EMCN: variants seen among roughly 807,000 people sequenced by gnomAD.
EMCN encodes the protein endomucin, also known as MUC-14.
EMCN carries 37 observed loss-of-function variants against 38.4 expected under a neutral mutation model. The observed-to-expected ratio is 0.96, with a 90% CI of 0.74 to 1.27. The LOEUF (loss-of-function observed/expected upper bound fraction) is 1.27, where lower values mean the gene tolerates loss of function less well. Ranked by LOEUF, EMCN falls within the 50% of genes most tolerant of loss-of-function variation. EMCN has a pLI of 0.00. For synonymous variants in EMCN, 95 were observed against 100.8 expected, an observed-to-expected ratio of 0.94 and a Z score of 0.35; for missense variants, 318 against 302.8, an observed-to-expected ratio of 1.05 and a Z score of -0.37.
chr4:100,464,041 C>A (rs919492146), intron 4 of EMCN, among the ~76,000 whole-genome samples: 4 of 151,902 alleles, frequency 2.6e-5, no homozygotes, highest in African/African-American at 9.7e-5. Flanking sequence ...GGTTTCTAAT[C>A]TATAAACATG....
rs1251603171 is a variant in EMCN, at chr4:100,423,351, T to C, written c.469A>G (p.Ile157Val). 6.2e-7 allele frequency: 1 copy of C among 1,613,152 alleles called. No individual in the cohort carries two copies. The highest frequency in any genetic ancestry group is 1.1e-5 in the South Asian group (1 of 91,052). ...SPSKTGTLTSIPVTIPENTSQ... is the reference protein window; with the variant it reads ...SPSKTGTLTSVPVTIPENTSQ... ...GTGTTTTCTGGAATTGTAACTGGTA[T>C]TGAGGTTAATGTACCAGTTTTAGAA... The change falls in exon 6 of 12, where the codon ATA becomes GTA. Residue 157 changes from isoleucine to valine, a missense_variant. By Grantham distance (29) the Ile-to-Val change is conservative. Coordinates refer to ENST00000296420, the MANE Select transcript of EMCN (RefSeq NM_016242.4).
chr4:100,507,121 G>A (rs993438676), intron 1 of EMCN, among the ~76,000 whole-genome samples: 4 of 152,072 alleles, frequency 2.6e-5, no homozygotes, highest in African/African-American at 9.7e-5. Context: ...AATTTCTTGA[G>A]TACCCTATAG....
intron 4 of EMCN, among the ~76,000 whole-genome samples, chr4:100,459,279 G>A (rs1217861005): frequency 8.2e-6 from 1 of 121,466 alleles, no homozygotes; most frequent in Non-Finnish European, 1.7e-5. Context: ...TTCAGTATAT[G>A]ACAATATTTT....
chr4:100,440,042 C>A (rs1286478014), intron 5 of EMCN, among the ~76,000 whole-genome samples: 1 of 143,648 alleles, frequency 7.0e-6, no homozygotes, highest in African/African-American at 2.4e-5. Flanking sequence ...TGTGGCTTAT[C>A]ATATGGCCTA....
At position 100,450,829 on chromosome 4, in the gene EMCN, A is replaced by C. The variant is rs375905009; in HGVS notation, c.377-3258T>G. 8.5e-5 allele frequency among the ~76,000 whole-genome samples: 13 copies of C among 152,064 alleles called. No individual in the cohort carries two copies. The South Asian group carries it at 2.5e-3, about 29-fold the overall frequency. On this transcript the variant is annotated intron_variant, in intron 4 of 11. Transcript: ENST00000296420. Reference sequence around the variant, plus strand: ...AATAAATATTGAAGCTGGGTGGGTAATTAGATAAATTAGTGTTTTCTAAAG... The same window carrying C: ...AATAAATATTGAAGCTGGGTGGGTACTTAGATAAATTAGTGTTTTCTAAAG...
At chr4:100,462,496 AATGGGTGAGT>A (rs534878844) in intron 4 of EMCN, among the ~76,000 whole-genome samples, 38 of 152,266 alleles carry the variant, frequency 2.5e-4, no homozygotes, top group Middle Eastern at 3.4e-3. Context: ...CAAGTCACTG[AATGGGTGAGT>A]ATTTAGTGCA....
chr4:100,411,725 A>G (rs556991264), intron 10 of EMCN, among the ~76,000 whole-genome samples: 36 of 152,276 alleles, frequency 2.4e-4, no homozygotes, highest in African/African-American at 8.7e-4. Flanking sequence ...AAATATTAAA[A>G]TGGTAGTTTC....
chr4:100,460,636 T>A (rs563194407), intron 4 of EMCN, among the ~76,000 whole-genome samples: 1 of 152,172 alleles, frequency 6.6e-6, no homozygotes, highest in Non-Finnish European at 1.5e-5. Context: ...CCTGCCCTCA[T>A]GATTCAGTTA....
chr4:100,453,260 G>A (rs2110249312), intron 4 of EMCN, among the ~76,000 whole-genome samples: 1 of 152,036 alleles, frequency 6.6e-6, no homozygotes, highest in Non-Finnish European at 1.5e-5. Context: ...GAAAATTTTT[G>A]CAACCTACTC....
chr4:100,465,293 T>G, intron 4 of EMCN, 130 bp downstream of exon 4: 1 of 532,672 alleles, frequency 1.9e-6, no homozygotes, highest in Non-Finnish European at 3.4e-6. Flanking sequence ...ATGATTGTTC[T>G]ATTGGGTAGA....
intron 2 of EMCN, among the ~76,000 whole-genome samples, chr4:100,478,324 C>T (rs189169282): frequency 1.6e-4 from 24 of 152,224 alleles, no homozygotes; most frequent in African/African-American, 5.3e-4. Context: ...CTTTAATTTC[C>T]CTCCCACTGC....
chr4:100,502,471 T>C (rs1729375944), intron 1 of EMCN, among the ~76,000 whole-genome samples: 1 of 152,250 alleles, frequency 6.6e-6, no homozygotes, highest in Non-Finnish European at 1.5e-5. Context: ...AGAAATCTTT[T>C]ATGCTCATTA....
At chr4:100,449,087 G>A (rs1727766855) in intron 4 of EMCN, among the ~76,000 whole-genome samples, 1 of 152,008 alleles carries the variant, frequency 6.6e-6, no homozygotes, top group African/African-American at 2.4e-5. Flanking sequence ...CTTGTTCAGA[G>A]AAGTGATTCC....
intron 5 of EMCN, among the ~76,000 whole-genome samples, chr4:100,436,434 A>G (rs1727354843): frequency 6.6e-6 from 1 of 152,180 alleles, no homozygotes; most frequent in African/African-American, 2.4e-5. Context: ...TAGTTCAACC[A>G]TTGTGGAAGA....
chr4:100,457,875 T>G (rs994857587), intron 4 of EMCN, among the ~76,000 whole-genome samples: 10 of 152,126 alleles, frequency 6.6e-5, no homozygotes, highest in Admixed American at 1.3e-4. Context: ...TCCCAGGACG[T>G]TGGGAGGCTC....
chr4:100,454,311 T>G (rs139918413), intron 4 of EMCN, among the ~76,000 whole-genome samples: 3 of 150,648 alleles, frequency 2.0e-5, no homozygotes, highest in Non-Finnish European at 4.4e-5. Flanking sequence ...ACTCAATCCC[T>G]CCACAGTTTA....
intron 4 of EMCN, among the ~76,000 whole-genome samples, chr4:100,448,551 T>C (rs1322418794): frequency 6.6e-6 from 1 of 152,156 alleles, no homozygotes; most frequent in Non-Finnish European, 1.5e-5. Context: ...AGTTTCAAAA[T>C]GTATTCCAAA....
intron 9 of EMCN, among the ~76,000 whole-genome samples, chr4:100,416,886 T>G (rs2110214142): frequency 6.6e-6 from 1 of 152,282 alleles, no homozygotes; most frequent in Non-Finnish European, 1.5e-5. Flanking sequence ...ATATTCATTC[T>G]TCTACTTTTC....
chr4:100,412,883 C>A (rs558581328), intron 10 of EMCN, among the ~76,000 whole-genome samples: 1 of 140,034 alleles, frequency 7.1e-6, no homozygotes, highest in South Asian at 2.2e-4. Flanking sequence ...TATTCCATGA[C>A]CTAACTGAAA....
Sources: gnomAD v4.1 joint callset for allele counts (sites outside exome capture counted in the v4.1 genomes callset) on GRCh38, gnomAD v4.1.1 for gene constraint, MANE v1.5 for transcripts, NCBI Gene and HGNC (gene_info 2026-07-23, HGNC 2026-07-21) for gene names.